PRDM2: variants seen among roughly 807,000 people sequenced by gnomAD.
PRDM2 encodes the protein PR domain zinc finger protein 2.
PRDM2 carries 30 observed loss-of-function variants against 130.0 expected under a neutral mutation model. The ratio of observed to expected loss-of-function variants is 0.23; its 90% CI spans 0.17 to 0.31. The LOEUF (loss-of-function observed/expected upper bound fraction) is 0.31, where lower values mean the gene tolerates loss of function less well. PRDM2 is among the 10% of genes least tolerant of loss of function. The probability of loss-of-function intolerance (pLI) is 1.00; values close to 1 mark genes in which losing one functional copy is unlikely to be tolerated. For missense variants in PRDM2, 2,011 were observed against 2,108.4 expected, an observed-to-expected ratio of 0.95 and a Z score of 0.90; for synonymous variants, 871 against 782.4, an observed-to-expected ratio of 1.11 and a Z score of -1.89.
At chr1:13,820,140 C>T (rs76561972) in intron 9 of PRDM2, among the ~76,000 whole-genome samples, 4,887 of 152,230 alleles carry the variant, frequency 0.032, 263 homozygotes, top group African/African-American at 0.11. Context: ...GACGGATCTT[C>T]GACTTCTAAT....
chr1:13,747,569 G>A (rs999637374), intron 5 of PRDM2, among the ~76,000 whole-genome samples: 7 of 152,062 alleles, frequency 4.6e-5, no homozygotes, highest in African/African-American at 1.7e-4. Context: ...TTAGGGGTGG[G>A]TGAGAGCCAA....
In PRDM2 at chr1:13,786,693, A is replaced by G; in HGVS notation, c.5036+3862A>G. The G allele has an allele frequency of 2.0e-6, 3 of 1,475,714 alleles. No individual in the cohort carries two copies. The South Asian group carries it at 4.1e-5, about 20-fold the overall frequency. 91.4% of individuals were successfully genotyped at this position (1,475,714 alleles called of 1,614,324 possible). A position where few individuals can be genotyped will look rare whatever the true frequency, so the allele number is the denominator to read the frequency against. ...GCTGATTGCCGGCAGGCTTAGAGTCAGGCATCTGCTGCTTCGGTGGGGGCC... is the reference window on the plus strand; with the variant it reads ...GCTGATTGCCGGCAGGCTTAGAGTCGGGCATCTGCTGCTTCGGTGGGGGCC... On this transcript the variant is annotated intron_variant, in intron 8 of 9. Transcript: ENST00000311066.
chr1:13,713,640 T>C (rs942004347), intron 1 of PRDM2, among the ~76,000 whole-genome samples: 12 of 152,242 alleles, frequency 7.9e-5, no homozygotes, highest in African/African-American at 2.9e-4. Context: ...CAGATGTTTT[T>C]TGTTCTGTTC....
At chr1:13,796,899 AAC>A (rs1644931186) in intron 8 of PRDM2, among the ~76,000 whole-genome samples, 2 of 152,210 alleles carry the variant, frequency 1.3e-5, no homozygotes, top group African/African-American at 2.4e-5. Context: ...AAGCTCCCAA[AAC>A]ACGAGTTAAA....
At chr1:13,715,851 G>A (rs1319625214) in intron 2 of PRDM2, among the ~76,000 whole-genome samples, 1 of 152,072 alleles carries the variant, frequency 6.6e-6, no homozygotes, top group African/African-American at 2.4e-5. Flanking sequence ...TCATTCTTAG[G>A]GATTTTCATT....
intron 8 of PRDM2, chr1:13,787,937 C>T (rs948370045): frequency 8.1e-6 from 8 of 985,054 alleles, no homozygotes; most frequent in Non-Finnish European, 8.4e-6. Context: ...TTGTTTTTCC[C>T]CTCCCAGCAT....
chr1:13,774,973 A>G (rs1458560642), intron 7 of PRDM2, among the ~76,000 whole-genome samples: 1 of 152,022 alleles, frequency 6.6e-6, no homozygotes, highest in African/African-American at 2.4e-5. Context: ...GTCTCAAAAA[A>G]AAAAAAAAAA....
Position 13,731,054 on chromosome 1 carries a change from G to C in PRDM2, c.64G>C (p.Val22Leu). ...GACCCTGGCTGAGGTACCCGAACATGTGCTGCGAGGACTTCCGGAGGAAGT... is the reference window on the plus strand; with the variant it reads ...GACCCTGGCTGAGGTACCCGAACATCTGCTGCGAGGACTTCCGGAGGAAGT... ...TETLAEVPEH[V>L]LRGLPEEVRL... The change falls in exon 3 of 10, where the codon GTG becomes CTG. Residue 22 changes from valine (V) to leucine (L), a missense_variant. Transcript: ENST00000311066. 1 of 1,612,782 alleles carries C rather than the reference G, an allele frequency of 6.2e-7. No individual in the cohort carries two copies. The highest frequency in any genetic ancestry group is 1.7e-4 in the Middle Eastern group (1 of 6,060).
intron 8 of PRDM2, 157 bp downstream of exon 8, chr1:13,782,988 G>T (rs567178648): frequency 1.2e-5 from 17 of 1,475,686 alleles, no homozygotes; most frequent in Admixed American, 2.2e-5. Context: ...CATTGCTTTG[G>T]CTGCTTTTAG....
intron 8 of PRDM2, among the ~76,000 whole-genome samples, chr1:13,814,474 T>A (rs1645225636): frequency 6.6e-6 from 1 of 152,260 alleles, no homozygotes; most frequent in Non-Finnish European, 1.5e-5. Flanking sequence ...TTTGCTTGTC[T>A]GTTGATGCAT....
At chr1:13,715,215 C>T (rs1642495471) in intron 1 of PRDM2, among the ~76,000 whole-genome samples, 1 of 152,146 alleles carries the variant, frequency 6.6e-6, no homozygotes, top group South Asian at 2.1e-4. Flanking sequence ...ATAAGGTACT[C>T]AATAATGCTT....
chr1:13,820,853 C>A (rs1645337490), intron 9 of PRDM2, among the ~76,000 whole-genome samples: 1 of 152,072 alleles, frequency 6.6e-6, no homozygotes, highest in Non-Finnish European at 1.5e-5. Context: ...CACTTGCTGG[C>A]CACGCCAGGC....
intron 9 of PRDM2, among the ~76,000 whole-genome samples, chr1:13,817,535 G>C (rs1357953896): frequency 6.6e-6 from 1 of 151,314 alleles, no homozygotes; most frequent in East Asian, 1.9e-4. Context: ...CATTCATTGT[G>C]TCCCCAAGGC....
At chr1:13,717,289 T>C (rs190437218) in intron 2 of PRDM2, 20 of 284,720 alleles carry the variant, frequency 7.0e-5, no homozygotes, top group African/African-American at 3.9e-4. Context: ...TATACTCATA[T>C]ATATTTCATA....
intron 9 of PRDM2, among the ~76,000 whole-genome samples, chr1:13,821,829 G>A (rs1375575347): frequency 6.6e-6 from 1 of 152,166 alleles, no homozygotes; most frequent in African/African-American, 2.4e-5. Context: ...CTGTGAATGT[G>A]GTTTCTGCGG....
At chr1:13,787,974 A>C in intron 8 of PRDM2, 1 of 985,424 alleles carries the variant, frequency 1.0e-6, no homozygotes, top group Non-Finnish European at 1.2e-6. Flanking sequence ...TGTCAGATGT[A>C]TTAAAAAAAG....
Position 13,781,867 on chromosome 1 carries a change from G to A in PRDM2, c.4072G>A (p.Ala1358Thr). Residue 1358 changes from alanine (A) to threonine (T), a missense_variant, in exon 8 of 10, where the codon GCA becomes ACA. Physicochemically the swap from Ala to Thr is moderately conservative, Grantham distance 58. Around this residue, in one of 5 missense-constraint regions of PRDM2, gnomAD observed 229 missense variants for 364.1 expected, o/e 0.63. Transcript: ENST00000311066. The surrounding 1 kb of genome is among the most constrained non-coding windows in gnomAD (Gnocchi z 6.1). The stretch of plus-strand genomic sequence containing the variant: ...CAAACATATCCTGGCTTGTGCTTCT[G>A]CAAGTGACAAGAAGAGGTACACGCC... Reference protein sequence around the residue: ...LHKHILACASASDKKRYTPKK... With the variant: ...LHKHILACASTSDKKRYTPKK... The A allele has an allele frequency of 6.2e-7, 1 of 1,614,136 alleles. No individual in the cohort carries two copies. The highest frequency in any genetic ancestry group is 1.1e-5 in the South Asian group (1 of 91,082).
intron 8 of PRDM2, among the ~76,000 whole-genome samples, chr1:13,811,892 G>T (rs1414177761): frequency 6.6e-6 from 1 of 152,214 alleles, no homozygotes; most frequent in Non-Finnish European, 1.5e-5. Context: ...AGGGAGCTGT[G>T]GGCAGAGGAG....
At chr1:13,720,008 T>C (rs1313965167) in intron 2 of PRDM2, among the ~76,000 whole-genome samples, 1 of 152,204 alleles carries the variant, frequency 6.6e-6, no homozygotes, top group African/African-American at 2.4e-5. Flanking sequence ...TAAGGAAAAT[T>C]GGTCTAATCT....
Sources: allele counts gnomAD v4.1 joint callset (sites outside exome capture counted in the v4.1 genomes callset), GRCh38; gene constraint gnomAD v4.1.1; regional missense constraint gnomAD v4.1.1; non-coding constraint Gnocchi (gnomAD v3.1); transcripts MANE v1.5; gene names NCBI Gene and HGNC (gene_info 2026-07-23, HGNC 2026-07-21).